The following ANKDD1B variants were observed in gnomAD, a reference collection of about 807,000 sequenced individuals.
ANKDD1B encodes ankyrin repeat and death domain-containing protein 1B.
Under a neutral mutation model 59.7 loss-of-function variants are expected in ANKDD1B, and 57 were observed. The ratio of observed to expected loss-of-function variants is 0.95; its 90% CI spans 0.77 to 1.19. The LOEUF is 1.19. Among genes scored for constraint, ANKDD1B ranks in the 50% most tolerant of loss-of-function variants. The pLI is 0.00. For synonymous variants in ANKDD1B, 216 were observed against 239.5 expected (o/e 0.90, Z 0.91); for missense variants, 602 against 641.9 (o/e 0.94, Z 0.67).
intron 1 of ANKDD1B, among the ~76,000 whole-genome samples, chr5:75,614,490 G>A (rs1054142752): frequency 6.6e-6 from 1 of 152,206 alleles, no homozygotes; most frequent in Admixed American, 6.5e-5. Context: ...GCTTTTGCTT[G>A]TAAGATGTGC....
intron 7 of ANKDD1B, among the ~76,000 whole-genome samples, chr5:75,636,487 G>A (rs1330657345): frequency 3.3e-5 from 5 of 152,206 alleles, no homozygotes; most frequent in Admixed American, 2.0e-4. Context: ...GCAGACAGAC[G>A]ATGAAAGGCC....
At chr5:75,627,244 A>G (rs776803590) in intron 5 of ANKDD1B, among the ~76,000 whole-genome samples, 6 of 152,206 alleles carry the variant, frequency 3.9e-5, no homozygotes, top group Non-Finnish European at 8.8e-5. Context: ...AATCTACTTT[A>G]TGGTAACAAC....
intron 3 of ANKDD1B, among the ~76,000 whole-genome samples, chr5:75,622,773 A>G: frequency 6.6e-6 from 1 of 152,108 alleles, no homozygotes; most frequent in East Asian, 1.9e-4. Context: ...AATTTGTGAC[A>G]CATGGTCTTA....
rs1478684644 is a variant in ANKDD1B, at chr5:75,669,330, C to G, written c.1472C>G (p.Pro491Arg). The G allele has an allele frequency of 4.1e-6, 5 of 1,232,120 alleles. No individual in the cohort carries two copies. In the East Asian group the frequency reaches 1.3e-4, roughly 31 times the overall value. The allele number at this position is 1,232,120 out of a possible 1,614,324, so 76.3% of individuals were successfully genotyped here. Residue 491 changes from proline (P) to arginine (R), a missense_variant, in exon 13 of 14, where the codon CCG becomes CGG. This residue lies in a region of ANKDD1B where 280 missense variants were observed against 319.8 expected (regional missense o/e 0.88). Coordinates refer to ENST00000601380, the MANE Select transcript of ANKDD1B (RefSeq NM_001276713.2). The stretch of plus-strand genomic sequence containing the variant: ...GGGACCCTGATGACTCAGGGTGACC[C>G]GGCCAAGCAACTGTATGAAGAGCTG... ...LHGTLMTQGDPAKQLYEELVH... is the reference protein window; with the variant it reads ...LHGTLMTQGDRAKQLYEELVH...
At chr5:75,665,203 C>A (rs1775275042) in intron 11 of ANKDD1B, among the ~76,000 whole-genome samples, 1 of 152,200 alleles carries the variant, frequency 6.6e-6, no homozygotes, top group African/African-American at 2.4e-5. Flanking sequence ...GGCAGGCAAG[C>A]TATTTAATGC....
rs146479094 is a variant in ANKDD1B, at chr5:75,614,701, C to T, written c.194-2103C>T. Among the ~76,000 whole-genome samples the T allele has an allele frequency of 6.9e-4, 105 of 152,334 alleles. 1 individual carries two copies. Among genetic ancestry groups the T allele is most frequent in the African/African-American group, 2.5e-3 (102 of 41,580 alleles). On this transcript the variant is annotated intron_variant, in intron 1 of 13. Coordinates refer to ENST00000601380, the MANE Select transcript of ANKDD1B (RefSeq NM_001276713.2). The stretch of plus-strand genomic sequence containing the variant: ...ACTTGTGCTTTCAGTCCATTGGATA[C>T]ACCTCAACTATCCAGGCTGGGTTAT...
At chr5:75,650,563 A>C (rs752107631) in intron 7 of ANKDD1B, among the ~76,000 whole-genome samples, 10 of 152,322 alleles carry the variant, frequency 6.6e-5, no homozygotes, top group Middle Eastern at 3.4e-3. Flanking sequence ...ATTTTATGGC[A>C]ATGTCTTATA....
At chr5:75,622,047 T>C (rs1254369745) in intron 3 of ANKDD1B, among the ~76,000 whole-genome samples, 1 of 152,232 alleles carries the variant, frequency 6.6e-6, no homozygotes, top group Non-Finnish European at 1.5e-5. Context: ...ACCAAGGTCA[T>C]GTTTGACCCA....
At chr5:75,612,868 G>A (rs1012476821) in intron 1 of ANKDD1B, among the ~76,000 whole-genome samples, 11 of 152,250 alleles carry the variant, frequency 7.2e-5, no homozygotes, top group Middle Eastern at 3.4e-3. Context: ...GTAAAATGGA[G>A]GAATCATGCC....
chr5:75,656,530 T>C (rs542472790), intron 9 of ANKDD1B, among the ~76,000 whole-genome samples: 28 of 152,300 alleles, frequency 1.8e-4, no homozygotes, highest in African/African-American at 6.3e-4. Flanking sequence ...AGTAAATGTA[T>C]CTTCTCTTTA....
chr5:75,624,011 C>T (rs1380509540), intron 3 of ANKDD1B, among the ~76,000 whole-genome samples: 1 of 152,126 alleles, frequency 6.6e-6, no homozygotes, highest in Admixed American at 6.5e-5. Context: ...GTACTGCAGG[C>T]CCTCATTCCT....
At chr5:75,658,046 T>C (rs1171609471) in intron 9 of ANKDD1B, among the ~76,000 whole-genome samples, 1 of 136,150 alleles carries the variant, frequency 7.3e-6, no homozygotes, top group African/African-American at 2.7e-5. Context: ...GCCTCATCGC[T>C]AAAAAAAAAA....
At chr5:75,629,283 C>T (rs1774080395) in intron 5 of ANKDD1B, among the ~76,000 whole-genome samples, 1 of 151,892 alleles carries the variant, frequency 6.6e-6, no homozygotes, top group Non-Finnish European at 1.5e-5. Context: ...TTTTTAACCT[C>T]ATGACACATA....
At chr5:75,622,005 T>C (rs1378853415) in intron 3 of ANKDD1B, among the ~76,000 whole-genome samples, 3 of 152,212 alleles carry the variant, frequency 2.0e-5, no homozygotes, top group African/African-American at 7.2e-5. Context: ...GTGGCATTAC[T>C]CTGTAACTAG....
chr5:75,619,977 G>T (rs1773803737), intron 2 of ANKDD1B, among the ~76,000 whole-genome samples: 1 of 152,188 alleles, frequency 6.6e-6, no homozygotes, highest in Admixed American at 6.5e-5. Flanking sequence ...CATTATTAAT[G>T]ATTGCATAAG....
rs533691822 is a variant in ANKDD1B, at chr5:75,626,192, C to G, written c.600+237C>G. Among the ~76,000 whole-genome samples the G allele has an allele frequency of 9.8e-5, 15 of 152,290 alleles. No individual in the cohort carries two copies. The South Asian group carries it at 2.7e-3, about 27-fold the overall frequency. ...GAGGAAGCAGCCAGATTCCTTCTTC[C>G]CATTCTACTCCCTCATCCTGGCCAG... On this transcript the variant is annotated intron_variant, in intron 5 of 13. Coordinates refer to ENST00000601380, the MANE Select transcript of ANKDD1B (RefSeq NM_001276713.2).
intron 9 of ANKDD1B, among the ~76,000 whole-genome samples, 189 bp from the exon 10 acceptor site, chr5:75,659,094 T>G (rs543209090): frequency 1.0e-3 from 155 of 152,334 alleles, no homozygotes; most frequent in Non-Finnish European, 1.7e-3. Flanking sequence ...ATTTATCTAG[T>G]GAGTCTCCTT....
Position 75,611,603 on chromosome 5 carries a change from T to C in ANKDD1B, c.-32T>C. 1 of 1,227,044 alleles carries C rather than the reference T, an allele frequency of 8.1e-7. No individual in the cohort carries two copies. Among genetic ancestry groups the C allele is most frequent in the East Asian group, 3.2e-5 (1 of 31,412 alleles). 76.0% of individuals were successfully genotyped at this position (1,227,044 alleles called of 1,614,324 possible). ...CTGGATCTGGGTCCGAGTCTGGGTC[T>C]GGCCCTGCGCTCAGGGCCCGCGGAG... On this transcript the variant is annotated 5_prime_UTR_variant, in exon 1 of 14. Transcript: ENST00000601380.
intron 1 of ANKDD1B, among the ~76,000 whole-genome samples, chr5:75,614,659 CAA>C (rs1773668791): frequency 6.6e-6 from 1 of 152,174 alleles, no homozygotes. Context: ...GACTCAGCCC[CAA>C]AGTGACATGC....
Sources: allele counts gnomAD v4.1 joint callset (sites outside exome capture counted in the v4.1 genomes callset), GRCh38; gene constraint gnomAD v4.1.1; regional missense constraint gnomAD v4.1.1; transcripts MANE v1.5; gene names NCBI Gene and HGNC (gene_info 2026-07-23, HGNC 2026-07-21).